Variants in FCER2 observed in about 807,000 individuals in gnomAD.
FCER2 encodes Fc epsilon receptor II.
In FCER2, 38 loss-of-function variants were observed where a neutral mutation model predicts 49.7. The ratio of observed to expected loss-of-function variants is 0.76; its 90% confidence interval spans 0.59 to 1.00. The LOEUF (loss-of-function observed/expected upper bound fraction) is 1.00, where lower values mean the gene tolerates loss of function less well. FCER2 is among the 50% of genes least tolerant of loss of function. The pLI is 0.00. For synonymous variants in FCER2, 163 were observed against 164.6 expected (o/e 0.99, Z 0.07); for missense variants, 425 against 419.5 (o/e 1.01, Z -0.11).
intron 8 of FCER2, among the ~76,000 whole-genome samples, chr19:7,695,259 C>T (rs530290373): frequency 1.4e-4 from 21 of 152,266 alleles, no homozygotes; most frequent in Non-Finnish European, 2.6e-4. Context: ...CTCCATTGTC[C>T]CATCACTGCA....
chr19:7,698,612 G>T, intron 3 of FCER2, 129 bp downstream of exon 3: 1 of 1,289,472 alleles, frequency 7.8e-7, no homozygotes, highest in Non-Finnish European at 1.1e-6. Context: ...CAAGATGGGA[G>T]GCAGGATGGG....
chr19:7,700,794 T>G (rs1398953766), intron 1 of FCER2, among the ~76,000 whole-genome samples: 1 of 150,868 alleles, frequency 6.6e-6, no homozygotes, highest in Non-Finnish European at 1.5e-5. Flanking sequence ...ATTACAGGCG[T>G]GAGCCACTGT....
At chr19:7,696,973 C>G in intron 7 of FCER2, 40 bp downstream of exon 7, 1 of 1,560,196 alleles carries the variant, frequency 6.4e-7, no homozygotes, top group Non-Finnish European at 8.7e-7. Context: ...CCTCCTTGTC[C>G]GTTCCCTCCC....
chr19:7,689,950 C>T (rs1461954973), intron 10 of FCER2, among the ~76,000 whole-genome samples: 2 of 152,086 alleles, frequency 1.3e-5, no homozygotes, highest in Non-Finnish European at 2.9e-5. Context: ...ATGGAACTTC[C>T]TCCCTGAGCC....
At chr19:7,691,398 C>T (rs1476249913) in intron 8 of FCER2, among the ~76,000 whole-genome samples, 2 of 152,154 alleles carry the variant, frequency 1.3e-5, no homozygotes, top group African/African-American at 4.8e-5. Context: ...ATCACAAATG[C>T]TTCACAGCGA....
Position 7,697,510 on chromosome 19 carries a change from C to T in FCER2, c.253+17G>A. The T allele has an allele frequency of 1.2e-6, 2 of 1,608,736 alleles. No individual in the cohort carries two copies. The highest frequency in any genetic ancestry group is 1.7e-4 in the Middle Eastern group (1 of 6,044). On this transcript the variant is annotated intron_variant, in intron 5 of 10. Coordinates refer to ENST00000597921, the MANE Select transcript of FCER2 (RefSeq NM_001220500.2). ...CTCGCTTTTTCCCCTGCAACCCCAACTCCAGGAGTCACTCACACTGGGATT... is the reference window on the plus strand; with the variant it reads ...CTCGCTTTTTCCCCTGCAACCCCAATTCCAGGAGTCACTCACACTGGGATT...
intron 10 of FCER2, 145 bp downstream of exon 10, chr19:7,690,014 G>T (rs1228271703): frequency 3.2e-6 from 2 of 620,158 alleles, no homozygotes; most frequent in Non-Finnish European, 2.9e-6. Context: ...AGGTCCCCCA[G>T]CCCCCACTGG....
In FCER2 at chr19:7,697,558, G is replaced by C; in HGVS notation, c.222C>G (p.His74Gln). Residue 74 changes from histidine to glutamine, a missense_variant, in exon 5 of 11, where the codon CAC becomes CAG. Transcript: ENST00000597921. ...ATTTCTGCGCCATCTGGTCACCGTG[G>C]TGGCTTTCCAAGTTCTTGGAAACTT... ...VSQVSKNLESHHGDQMAQKSQ... is the reference protein window; with the variant it reads ...VSQVSKNLESQHGDQMAQKSQ... 1 of 1,614,108 alleles carries C rather than the reference G, an allele frequency of 6.2e-7. No homozygotes were observed. The highest frequency in any genetic ancestry group is 8.5e-7 in the Non-Finnish European group (1 of 1,179,994).
chr19:7,700,052 A>T (rs2033120806), intron 1 of FCER2: 2 of 501,508 alleles, frequency 4.0e-6, no homozygotes, highest in African/African-American at 2.0e-5. Flanking sequence ...TCCAGAGCCC[A>T]TCACACTTGA....
intron 2 of FCER2, 132 bp from the exon 3 acceptor site, chr19:7,698,986 A>C: frequency 5.0e-5 from 45 of 898,530 alleles, no homozygotes; most frequent in Non-Finnish European, 7.0e-5. Context: ...AAAGGGTCTC[A>C]GTGGACCCCC....
At chr19:7,691,642 ACACCAG>A (rs1392620852) in intron 8 of FCER2, among the ~76,000 whole-genome samples, 4 of 151,976 alleles carry the variant, frequency 2.6e-5, no homozygotes, top group Non-Finnish European at 4.4e-5. Flanking sequence ...TCAACCACCA[ACACCAG>A]CACCACAAAT....
chr19:7,690,700 T>A, intron 8 of FCER2, 143 bp from the exon 9 acceptor site: 2 of 753,874 alleles, frequency 2.7e-6, no homozygotes, highest in Non-Finnish European at 4.2e-6. Flanking sequence ...ACAGACAGCC[T>A]CACGGGCTGT....
rs887253760 is a variant in FCER2 at position 7,696,851 on chromosome 19, A to T, written c.443T>A (p.Leu148Gln). 3 of 1,584,586 alleles carry T rather than the reference A, an allele frequency of 1.9e-6. No individual in the cohort carries two copies. In the African/African-American group the frequency reaches 4.0e-5, roughly 21 times the overall value. ...LERLREEVTK[L>Q]RMELQVSSGF... ...GCTGGACACCTGCAACTCCATCCTTAGCTTTGTCACCTCCTCCCGGAGTCT... is the reference window on the plus strand; with the variant it reads ...GCTGGACACCTGCAACTCCATCCTTTGCTTTGTCACCTCCTCCCGGAGTCT... Residue 148 changes from leucine to glutamine, a missense_variant, in exon 8 of 11, where the codon CTA becomes CAA. By Grantham distance (113) the Leu-to-Gln change is moderately radical. Transcript: ENST00000597921.
At chr19:7,698,882 G>C in intron 2 of FCER2, 28 bp from the exon 3 acceptor site, 1 of 1,556,704 alleles carries the variant, frequency 6.4e-7, no homozygotes, top group Non-Finnish European at 8.7e-7. Context: ...ACTGACTATG[G>C]GTGCAGGGTG....
intron 8 of FCER2, among the ~76,000 whole-genome samples, chr19:7,696,100 A>AT (rs1254247476): frequency 1.3e-5 from 2 of 150,770 alleles, no homozygotes; most frequent in Non-Finnish European, 3.0e-5. Context: ...CACCCGGTTA[A>AT]TTTTTTAAAA....
chr19:7,698,590 G>A, intron 3 of FCER2, 151 bp downstream of exon 3: 3 of 1,047,272 alleles, frequency 2.9e-6, no homozygotes, highest in East Asian at 5.2e-5. Flanking sequence ...GATGGGAAAG[G>A]GCTGGCAGTG....
intron 8 of FCER2, among the ~76,000 whole-genome samples, chr19:7,692,727 G>A (rs72998491): frequency 0.34 from 50,408 of 149,304 alleles, 9,455 homozygotes; most frequent in African/African-American, 0.5. Flanking sequence ...CACCAACACC[G>A]TTATTATAAA....
In FCER2 at chr19:7,697,005, A is replaced by C. The variant is rs987252022; in HGVS notation, c.379+8T>G. 7.6e-6 allele frequency: 12 copies of C among 1,584,894 alleles called. No individual in the cohort carries two copies. The highest frequency in any genetic ancestry group is 1.0e-5 in the Non-Finnish European group (12 of 1,165,452). ...TCCCCCACTGCCCCATCCCCTCCCA[A>C]GCCTCACCCTGGGACTTGAAGCTGC... is the stretch of plus-strand genomic sequence containing the variant. On this transcript the variant is annotated splice_region_variant and intron_variant, in intron 7 of 10. Transcript: ENST00000597921.
At chr19:7,697,135 C>T (rs1366624438) in intron 6 of FCER2, 60 bp from the exon 7 acceptor site, 6 of 1,605,784 alleles carry the variant, frequency 3.7e-6, no homozygotes, top group South Asian at 2.2e-5. Context: ...CCGAGGGTGC[C>T]CCCCAAGCCT....
Sources: gnomAD v4.1 joint callset for allele counts (sites outside exome capture counted in the v4.1 genomes callset) on GRCh38, gnomAD v4.1.1 for gene constraint, MANE v1.5 for transcripts, NCBI Gene and HGNC (gene_info 2026-07-23, HGNC 2026-07-21) for gene names.